Variants in PLAA observed in about 807,000 individuals in gnomAD.
PLAA encodes phospholipase A-2-activating protein.
PLAA carries 48 observed loss-of-function variants against 84.1 expected under a neutral mutation model. That is an observed-to-expected ratio of 0.57 (90% CI 0.45 to 0.73). The LOEUF is 0.73. Among genes scored for constraint, PLAA ranks in the 30% least tolerant of loss-of-function variants. PLAA has a pLI of 0.00. For missense variants in PLAA, 903 were observed against 954.7 expected (o/e 0.95, Z 0.71); for synonymous variants, 392 against 336.6 (o/e 1.16, Z -1.80).
chr9:26,908,048 A>G (rs1398396062), intron 12 of PLAA, 50 bp from the exon 13 acceptor site: 3 of 1,398,136 alleles, frequency 2.1e-6, no homozygotes, highest in Admixed American at 4.5e-5. Flanking sequence ...AATTGGCCAG[A>G]TAATATATAA....
At chr9:26,930,165 T>C (rs975125279) in intron 2 of PLAA, among the ~76,000 whole-genome samples, 6 of 151,294 alleles carry the variant, frequency 4.0e-5, no homozygotes, top group African/African-American at 1.2e-4. Context: ...AGTGCAGCTG[T>C]GTGATCTCGG....
intron 10 of PLAA, among the ~76,000 whole-genome samples, chr9:26,914,173 A>T (rs1466532123): frequency 1.3e-5 from 2 of 152,240 alleles, no homozygotes; most frequent in Non-Finnish European, 2.9e-5. Context: ...TTATAATTGT[A>T]GAAGTTTAGT....
Position 26,918,896 on chromosome 9 carries a change from G to A in PLAA, c.1417+414C>T, listed in dbSNP as rs556841990. ...TACAAACAATTAACTTAAAATGAAC[G>A]TGTAGAATACACATCACATATAAAC... On this transcript the variant is annotated intron_variant, in intron 9 of 13. Coordinates refer to ENST00000397292, the MANE Select transcript of PLAA (RefSeq NM_001031689.3). Among the ~76,000 whole-genome samples the A allele has an allele frequency of 4.7e-4, 71 of 151,944 alleles. No homozygotes were observed. In the South Asian group the frequency reaches 7.7e-3, roughly 16 times the overall value.
chr9:26,944,869 C>T (rs138555306), intron 1 of PLAA, among the ~76,000 whole-genome samples: 116 of 152,316 alleles, frequency 7.6e-4, no homozygotes, highest in Middle Eastern at 3.4e-3. Flanking sequence ...GTGGCTCACG[C>T]CTGTAATCCC....
At chr9:26,906,118 A>C in intron 13 of PLAA, 42 bp from the exon 14 acceptor site, 1 of 1,287,854 alleles carries the variant, frequency 7.8e-7, no homozygotes. Flanking sequence ...GAAAATAAAG[A>C]AAATTTCTTT....
intron 1 of PLAA, among the ~76,000 whole-genome samples, chr9:26,946,170 A>G (rs1308106717): frequency 6.6e-6 from 1 of 152,172 alleles, no homozygotes. Context: ...CTTTCTCTGA[A>G]CTGCAATCTG....
At chr9:26,917,947 T>G (rs1032068234) in intron 9 of PLAA, among the ~76,000 whole-genome samples, 1 of 152,108 alleles carries the variant, frequency 6.6e-6, no homozygotes, top group Non-Finnish European at 1.5e-5. Flanking sequence ...ACATGCAAAA[T>G]AGCTTACACA....
chr9:26,906,198 A>C, intron 13 of PLAA, 122 bp from the exon 14 acceptor site: 2 of 579,840 alleles, frequency 3.4e-6, no homozygotes, highest in Non-Finnish European at 5.5e-6. Context: ...GTGAAAAATC[A>C]TGTGTCTGCT....
In PLAA at chr9:26,905,906, T is replaced by G; in HGVS notation, c.1993A>C (p.Asn665His). ...TGTCCTGCCTGGCCAACAAAACAAT[T>G]GCAAAAAGTCCTGAGAGCAAGCAGC... ...NQLLALRTFCNCFVGQAGQKL... is the reference protein window; with the variant it reads ...NQLLALRTFCHCFVGQAGQKL... The change falls in exon 14 of 14, where the codon AAT (asparagine) becomes CAT (histidine). Residue 665 changes from asparagine to histidine, a missense_variant. Physicochemically the swap from Asn to His is moderately conservative, Grantham distance 68. Transcript: ENST00000397292. The G allele has an allele frequency of 6.2e-7, 1 of 1,614,184 alleles. No individual in the cohort carries two copies. The highest frequency in any genetic ancestry group is 8.5e-7 in the Non-Finnish European group (1 of 1,180,030).
chr9:26,912,213 C>A (rs1233052747), intron 11 of PLAA, among the ~76,000 whole-genome samples: 1 of 151,866 alleles, frequency 6.6e-6, no homozygotes, highest in East Asian at 1.9e-4. Context: ...GAAAAACAGC[C>A]AATAATTTGT....
At chr9:26,941,932 G>C (rs530802192) in intron 1 of PLAA, among the ~76,000 whole-genome samples, 1 of 152,038 alleles carries the variant, frequency 6.6e-6, no homozygotes, top group Non-Finnish European at 1.5e-5. Flanking sequence ...CCAATGGCCT[G>C]GAACAATGGA....
In PLAA at chr9:26,905,417, G is replaced by A. The variant is rs889262528; in HGVS notation, c.*94C>T. The A allele has an allele frequency of 9.5e-5, 93 of 979,714 alleles. No homozygotes were observed. The highest frequency in any genetic ancestry group is 4.1e-5 in the Non-Finnish European group (27 of 659,738). The allele number at this position is 979,714 out of a possible 1,614,324, so 60.7% of individuals were successfully genotyped here. On this transcript the variant is annotated 3_prime_UTR_variant, in exon 14 of 14. Coordinates refer to ENST00000397292, the MANE Select transcript of PLAA (RefSeq NM_001031689.3). Reference sequence around the variant, plus strand: ...GATGTAAAATTTTACTTAATCCACCGTATTCTCTTTTTTTAATTATCTGTT... The same window carrying A: ...GATGTAAAATTTTACTTAATCCACCATATTCTCTTTTTTTAATTATCTGTT...
chr9:26,919,944 G>C (rs1186390819), intron 8 of PLAA, among the ~76,000 whole-genome samples: 1 of 152,166 alleles, frequency 6.6e-6, no homozygotes, highest in East Asian at 1.9e-4. Flanking sequence ...TTGATGAAAG[G>C]TGGCACAGAA....
intron 1 of PLAA, among the ~76,000 whole-genome samples, chr9:26,937,288 G>T (rs577487893): frequency 6.6e-6 from 1 of 152,232 alleles, no homozygotes; most frequent in South Asian, 2.1e-4. Context: ...CCAGGGAAAA[G>T]CACAGGCTCA....
intron 7 of PLAA, among the ~76,000 whole-genome samples, chr9:26,921,403 A>G (rs1587164181): frequency 6.6e-6 from 1 of 152,324 alleles, no homozygotes; most frequent in Non-Finnish European, 1.5e-5. Flanking sequence ...ATTACTGAGT[A>G]ATGGTCAGTG....
In PLAA at chr9:26,919,405, G is replaced by C. The variant is rs1226361912; in HGVS notation, c.1322C>G (p.Pro441Arg). Residue 441 changes from proline (P) to arginine (R), a missense_variant, in exon 9 of 14, where the codon CCT becomes CGT. By Grantham distance (103) the Pro-to-Arg change is moderately radical. Coordinates refer to ENST00000397292, the MANE Select transcript of PLAA (RefSeq NM_001031689.3). ...TTTAGCTACTTGATCCAGAAACATA[G>C]GATTCAAATCATTCTTCTGTAAGAA... is the stretch of plus-strand genomic sequence containing the variant. Reference protein sequence around the residue: ...YNFLQKNDLNPMFLDQVAKFI... With the variant: ...YNFLQKNDLNRMFLDQVAKFI... 1 of 1,612,496 alleles carries C rather than the reference G, an allele frequency of 6.2e-7. No homozygotes were observed. The highest frequency in any genetic ancestry group is 8.5e-7 in the Non-Finnish European group (1 of 1,178,872).
intron 11 of PLAA, among the ~76,000 whole-genome samples, chr9:26,913,180 A>T (rs1025886272): frequency 6.6e-6 from 1 of 152,236 alleles, no homozygotes; most frequent in East Asian, 1.9e-4. Context: ...TACAAAGAAC[A>T]TAAAAATTAA....
chr9:26,934,996 A>G lies in PLAA; in HGVS notation c.343+17T>C, dbSNP rs964555676. 1 of 1,506,062 alleles carries G rather than the reference A, an allele frequency of 6.6e-7. No homozygotes were observed. The highest frequency in any genetic ancestry group is 1.3e-5 in the South Asian group (1 of 75,666). The allele number at this position is 1,506,062 out of a possible 1,614,324, so 93.3% of individuals were successfully genotyped here. ...AAAACTTCAAATAGAAAAACACCAA[A>G]GCATTATTATACTCACCAGTATTTT... is the stretch of plus-strand genomic sequence containing the variant. On this transcript the variant is annotated intron_variant, in intron 2 of 13. Transcript: ENST00000397292.
chr9:26,928,744 T>C (rs780848107), intron 2 of PLAA, among the ~76,000 whole-genome samples: 2 of 152,232 alleles, frequency 1.3e-5, no homozygotes, highest in Non-Finnish European at 2.9e-5. Flanking sequence ...AGGGAGATAA[T>C]GTAAATGATT....
Sources: gnomAD v4.1 joint callset for allele counts (sites outside exome capture counted in the v4.1 genomes callset) on GRCh38, gnomAD v4.1.1 for gene constraint, MANE v1.5 for transcripts, NCBI Gene and HGNC (gene_info 2026-07-23, HGNC 2026-07-21) for gene names.